RTN4RL1: variants seen among roughly 807,000 people sequenced by gnomAD.
RTN4RL1 encodes reticulon-4 receptor-like 1.
In RTN4RL1, 7 loss-of-function variants were observed where a neutral mutation model predicts 25.6. That is an observed-to-expected ratio of 0.27 (90% confidence interval 0.16 to 0.51). The LOEUF (loss-of-function observed/expected upper bound fraction) is 0.51. Ranked by LOEUF, RTN4RL1 falls within the 20% of genes least tolerant of loss-of-function variation. The pLI, the probability that RTN4RL1 is intolerant of heterozygous loss-of-function variation, is 0.97. For synonymous variants in RTN4RL1, 297 were observed against 288.2 expected (o/e 1.03, Z -0.31); for missense variants, 500 against 615.6 (o/e 0.81, Z 1.99).
At chr17:1,978,447 C>T (rs1248016692) in intron 1 of RTN4RL1, among the ~76,000 whole-genome samples, 1 of 152,220 alleles carries the variant, frequency 6.6e-6, no homozygotes, top group East Asian at 1.9e-4. Context: ...GAGGCTTGGC[C>T]GACCGTCCGC....
chr17:1,999,165 C>T (rs1024295413), intron 1 of RTN4RL1, among the ~76,000 whole-genome samples: 9 of 145,476 alleles, frequency 6.2e-5, no homozygotes, highest in South Asian at 2.1e-4. Context: ...ACACACACAC[C>T]GGCCGGGCGC....
intron 1 of RTN4RL1, among the ~76,000 whole-genome samples, chr17:1,953,079 A>G (rs1915719345): frequency 6.6e-6 from 1 of 151,484 alleles, no homozygotes; most frequent in Admixed American, 6.6e-5. Context: ...TTCAAAAAAT[A>G]AAATAAAATA....
intron 1 of RTN4RL1, among the ~76,000 whole-genome samples, chr17:1,984,691 G>C (rs1322434063): frequency 1.3e-5 from 2 of 152,260 alleles, no homozygotes; most frequent in African/African-American, 4.8e-5. Context: ...GGAGAGCCGG[G>C]CGCCGTGGCT....
chr17:1,979,486 A>G (rs2066857619), intron 1 of RTN4RL1, among the ~76,000 whole-genome samples: 1 of 146,960 alleles, frequency 6.8e-6, no homozygotes, highest in Admixed American at 7.0e-5. Flanking sequence ...AAAAAAAAGA[A>G]AAAAAAAGAC....
intron 1 of RTN4RL1, among the ~76,000 whole-genome samples, chr17:1,976,896 T>C (rs1393218895): frequency 2.6e-5 from 4 of 152,176 alleles, no homozygotes; most frequent in African/African-American, 9.7e-5. Flanking sequence ...CGTCTGTATC[T>C]GTGAAATGGG....
chr17:2,012,380 T>C (rs573421328), intron 1 of RTN4RL1, among the ~76,000 whole-genome samples: 1 of 152,352 alleles, frequency 6.6e-6, no homozygotes, highest in African/African-American at 2.4e-5. Flanking sequence ...CCTAAGGCCC[T>C]GCCCAAGCTA....
chr17:2,024,962 C>G lies in RTN4RL1; in HGVS notation c.-97G>C, dbSNP rs2067253463. 2 of 1,334,662 alleles carry G rather than the reference C, an allele frequency of 1.5e-6. No individual in the cohort carries two copies. The highest frequency in any genetic ancestry group is 3.0e-5 in the African/African-American group (2 of 66,030). The allele number at this position is 1,334,662 out of a possible 1,614,324, so 82.7% of individuals were successfully genotyped here. A position where few individuals can be genotyped will look rare whatever the true frequency, so the allele number is the denominator to read the frequency against. On this transcript the variant is annotated 5_prime_UTR_variant, in exon 1 of 2. Transcript: ENST00000331238. ...GGGCGCCAGCTGCAGCTAATCCGAG[C>G]GCGTCGAGGCGGGGGCAAGCCGGGG...
At chr17:2,010,518 C>G (rs928639874) in intron 1 of RTN4RL1, among the ~76,000 whole-genome samples, 18 of 151,940 alleles carry the variant, frequency 1.2e-4, no homozygotes, top group Admixed American at 5.3e-4. Context: ...TCCACCCCAA[C>G]TAGAATGTAA....
chr17:1,964,191 A>G (rs1399055085), intron 1 of RTN4RL1, among the ~76,000 whole-genome samples: 1 of 152,248 alleles, frequency 6.6e-6, no homozygotes, highest in Non-Finnish European at 1.5e-5. Flanking sequence ...TGCTCACTTC[A>G]AAGACTTAGT....
At chr17:1,966,135 A>G (rs2066790141) in intron 1 of RTN4RL1, among the ~76,000 whole-genome samples, 1 of 152,120 alleles carries the variant, frequency 6.6e-6, no homozygotes, top group Admixed American at 6.6e-5. Context: ...TATTCCCAGG[A>G]GACAGATGGA....
chr17:1,958,132 A>G (rs1490525128), intron 1 of RTN4RL1, among the ~76,000 whole-genome samples: 1 of 150,504 alleles, frequency 6.6e-6, no homozygotes, highest in Non-Finnish European at 1.5e-5. Flanking sequence ...AAAGGTTGCT[A>G]TGGGTTGTGA....
At chr17:1,964,593 G>A (rs1285124401) in intron 1 of RTN4RL1, among the ~76,000 whole-genome samples, 3 of 151,792 alleles carry the variant, frequency 2.0e-5, no homozygotes, top group Non-Finnish European at 2.9e-5. Flanking sequence ...TTAGCCGGGC[G>A]TGGTGGCGGG....
intron 1 of RTN4RL1, among the ~76,000 whole-genome samples, chr17:2,007,318 A>T (rs1181722666): frequency 7.2e-6 from 1 of 138,584 alleles, no homozygotes; most frequent in Non-Finnish European, 1.5e-5. Flanking sequence ...CTGCAGACCT[A>T]GGCCATGTTC....
intron 1 of RTN4RL1, among the ~76,000 whole-genome samples, chr17:1,997,231 C>G (rs1017578284): frequency 3.3e-5 from 5 of 152,222 alleles, no homozygotes; most frequent in African/African-American, 7.2e-5. Context: ...TCTTCACTCA[C>G]GACAATCAAC....
chr17:1,962,645 A>C (rs1347510653), intron 1 of RTN4RL1, among the ~76,000 whole-genome samples: 1 of 151,938 alleles, frequency 6.6e-6, no homozygotes, highest in African/African-American at 2.4e-5. Context: ...CAGGTGGATC[A>C]TTTGAGGTCA....
At position 1,937,368 on chromosome 17, in the gene RTN4RL1, G is replaced by T. The variant is rs1234702308; in HGVS notation, c.454C>A (p.Gln152Lys). The change falls in exon 2 of 2, where the codon CAG (glutamine) becomes AAG (lysine). Residue 152 changes from glutamine to lysine, a missense_variant. Coordinates refer to ENST00000331238, the MANE Select transcript of RTN4RL1 (RefSeq NM_178568.4). Reference protein sequence around the residue: ...AGVFGGLHSLQYLYLQDNHIE... With the variant: ...AGVFGGLHSLKYLYLQDNHIE... ...TGGTTGTCCTGCAGGTAGAGGTACT[G>T]CAGGCTGTGCAGGCCGCCAAAGACG... 2 of 1,613,658 alleles carry T rather than the reference G, an allele frequency of 1.2e-6. No individual in the cohort carries two copies. The highest frequency in any genetic ancestry group is 8.5e-7 in the Non-Finnish European group (1 of 1,179,876).
intron 1 of RTN4RL1, among the ~76,000 whole-genome samples, chr17:1,942,722 A>C (rs998387658): frequency 6.6e-6 from 1 of 152,066 alleles, no homozygotes; most frequent in South Asian, 2.1e-4. Flanking sequence ...GCATGGGGGC[A>C]GCTCAGGCGG....
At chr17:1,987,888 C>T (rs2066893682) in intron 1 of RTN4RL1, among the ~76,000 whole-genome samples, 1 of 149,990 alleles carries the variant, frequency 6.7e-6, no homozygotes, top group African/African-American at 2.5e-5. Context: ...GGTGGATCAC[C>T]TGAGGTCAGG....
Position 1,936,606 on chromosome 17 carries a change from G to T in RTN4RL1, c.1216C>A (p.Arg406Ser). 6.3e-7 allele frequency: 1 copy of T among 1,588,778 alleles called. No individual in the cohort carries two copies. The highest frequency in any genetic ancestry group is 8.6e-7 in the Non-Finnish European group (1 of 1,168,588). ...ARPKRKGKCARRTPIRAPSGV... is the reference protein window; with the variant it reads ...ARPKRKGKCASRTPIRAPSGV... ...CTGGGGGCACGGATGGGGGTCCTGC[G>T]GGCACACTTGCCCTTCCTCTTGGGC... The change falls in exon 2 of 2, where the codon CGC becomes AGC. Residue 406 changes from arginine to serine, a missense_variant. This residue lies in a region of RTN4RL1 where 268 missense variants were observed against 274.5 expected (regional missense o/e 0.98). Transcript: ENST00000331238.
Sources: allele counts gnomAD v4.1 joint callset (sites outside exome capture counted in the v4.1 genomes callset), GRCh38; gene constraint gnomAD v4.1.1; regional missense constraint gnomAD v4.1.1; transcripts MANE v1.5; gene names NCBI Gene and HGNC (gene_info 2026-07-23, HGNC 2026-07-21).